The following RANBP2 variants were observed in gnomAD, a reference collection of about 807,000 sequenced individuals.
The protein encoded by RANBP2 is E3 SUMO-protein ligase RanBP2.
A neutral mutation model predicts 303.6 loss-of-function variants in RANBP2; 57 were observed. The observed-to-expected ratio is 0.19, with a 90% CI of 0.15 to 0.23. The LOEUF is 0.23. Ranked by LOEUF, RANBP2 falls within the 10% of genes least tolerant of loss-of-function variation. The pLI is 1.00. For synonymous variants in RANBP2, 1,167 were observed against 1,301.5 expected (o/e 0.90, Z 2.23); for missense variants, 3,138 against 3,780.8 (o/e 0.83, Z 4.46).
chr2:109,206,663 T>A, the RANBP2 span, among the ~76,000 whole-genome samples: 8 of 151,946 alleles, frequency 5.3e-5, no homozygotes, highest in South Asian at 2.1e-4. Flanking sequence ...AAATTTTTTT[T>A]AAATTAGCTG....
At chr2:109,747,961 C>T in the RANBP2 span, among the ~76,000 whole-genome samples, 24 of 102,652 alleles carry the variant, frequency 2.3e-4, no homozygotes, top group South Asian at 4.0e-4. Flanking sequence ...AGGAGATTGT[C>T]GGAAAAAAAT....
the RANBP2 span, among the ~76,000 whole-genome samples, chr2:109,176,397 G>C: frequency 6.6e-6 from 1 of 152,194 alleles, no homozygotes; most frequent in Non-Finnish European, 1.5e-5. Flanking sequence ...ATGGAATGCT[G>C]TGTTTTTAGG....
At chr2:109,295,134 TG>T in the RANBP2 span, among the ~76,000 whole-genome samples, 1 of 152,220 alleles carries the variant, frequency 6.6e-6, no homozygotes, top group Non-Finnish European at 1.5e-5. Flanking sequence ...GCAAGTGGTG[TG>T]GTACGGAGCA....
the RANBP2 span, among the ~76,000 whole-genome samples, chr2:108,831,968 G>A: frequency 6.6e-6 from 1 of 151,958 alleles, no homozygotes; most frequent in African/African-American, 2.4e-5. Context: ...TCTGACCTCA[G>A]GTGATCCACC....
At chr2:109,631,948 G>A in the RANBP2 span, among the ~76,000 whole-genome samples, 3 of 152,026 alleles carry the variant, frequency 2.0e-5, no homozygotes, top group African/African-American at 7.2e-5. Flanking sequence ...GTTACCAAAA[G>A]ACCCGCCCAG....
At chr2:108,873,461 G>A in the RANBP2 span, 2 of 1,596,586 alleles carry the variant, frequency 1.3e-6, no homozygotes, top group African/African-American at 1.3e-5. Flanking sequence ...AATCCTTGCA[G>A]CCTTTCCTGG....
chr2:109,195,711 T>C, the RANBP2 span, among the ~76,000 whole-genome samples: 1 of 152,202 alleles, frequency 6.6e-6, no homozygotes, highest in African/African-American at 2.4e-5. Flanking sequence ...TTTTTATTTT[T>C]TTTGGTACTC....
At chr2:109,028,709 C>T in the RANBP2 span, among the ~76,000 whole-genome samples, 1 of 152,106 alleles carries the variant, frequency 6.6e-6, no homozygotes. Context: ...TCAGTAGGCC[C>T]GGTTCTTGCC....
chr2:109,687,741 ATT>A, the RANBP2 span, among the ~76,000 whole-genome samples: 281 of 133,354 alleles, frequency 2.1e-3, 1 homozygote, highest in African/African-American at 4.7e-3. Context: ...AGGTCAGGGG[ATT>A]TTTTTTTTTT....
At chr2:109,626,145 T>A in the RANBP2 span, among the ~76,000 whole-genome samples, 12 of 152,214 alleles carry the variant, frequency 7.9e-5, no homozygotes, top group Non-Finnish European at 1.6e-4. Flanking sequence ...TGTTGTTTCT[T>A]GAACTCATTG....
chr2:109,679,228 A>G, the RANBP2 span, among the ~76,000 whole-genome samples: 1 of 152,250 alleles, frequency 6.6e-6, no homozygotes, highest in African/African-American at 2.4e-5. Context: ...GCAGAGAACA[A>G]CAGGCAGAGC....
intron 9 of RANBP2, among the ~76,000 whole-genome samples, 187 bp from the exon 10 acceptor site, chr2:108,751,077 A>G (rs1427116333): frequency 6.6e-6 from 1 of 152,238 alleles, no homozygotes; most frequent in African/African-American, 2.4e-5. Context: ...ATTTCTAGAA[A>G]TAATCAAGTG....
At chr2:109,342,457 T>C in the RANBP2 span, among the ~76,000 whole-genome samples, 2 of 152,126 alleles carry the variant, frequency 1.3e-5, no homozygotes, top group African/African-American at 2.4e-5. Flanking sequence ...GATGGGCTAA[T>C]TGTGAAGGGG....
the RANBP2 span, chr2:109,398,890 G>T: frequency 1.2e-6 from 2 of 1,613,688 alleles, no homozygotes. Flanking sequence ...CGATCCCCGA[G>T]CCGCGGCCAG....
chr2:109,293,012 G>A, the RANBP2 span, among the ~76,000 whole-genome samples: 24 of 152,288 alleles, frequency 1.6e-4, no homozygotes, highest in Non-Finnish European at 1.9e-4. Context: ...GATTACAGGC[G>A]TGAGGCACCG....
chr2:108,792,174 T>C, the RANBP2 span, among the ~76,000 whole-genome samples: 1 of 152,184 alleles, frequency 6.6e-6, no homozygotes, highest in Non-Finnish European at 1.5e-5. Flanking sequence ...TTCATAGTTG[T>C]GGCGGGATTT....
At chr2:109,741,703 G>A in the RANBP2 span, among the ~76,000 whole-genome samples, 1 of 128,924 alleles carries the variant, frequency 7.8e-6, no homozygotes, top group Non-Finnish European at 1.6e-5. Flanking sequence ...CTGGGCGACA[G>A]AGAAAACTCT....
At chr2:109,347,344 C>T in the RANBP2 span, among the ~76,000 whole-genome samples, 1 of 152,158 alleles carries the variant, frequency 6.6e-6, no homozygotes, top group African/African-American at 2.4e-5. Context: ...CTCTGTGCCT[C>T]AGTGTCCCCA....
the RANBP2 span, among the ~76,000 whole-genome samples, chr2:109,474,659 C>G: frequency 1.3e-5 from 2 of 152,226 alleles, no homozygotes; most frequent in African/African-American, 4.8e-5. Context: ...CTGGTCTGCC[C>G]TGGACAGCAT....
Sources: gnomAD v4.1 joint callset for allele counts (sites outside exome capture counted in the v4.1 genomes callset) on GRCh38, gnomAD v4.1.1 for gene constraint, MANE v1.5 for transcripts, NCBI Gene and HGNC (gene_info 2026-07-23, HGNC 2026-07-21) for gene names.